GRID1: variants seen among roughly 807,000 people sequenced by gnomAD.
GRID1 encodes glutamate receptor ionotropic, delta-1.
In GRID1, 28 loss-of-function variants were observed where a neutral mutation model predicts 98.0. The observed-to-expected ratio is 0.29, with a 90% CI of 0.21 to 0.39. The LOEUF is 0.39. Ranked by LOEUF, GRID1 falls within the 10% of genes least tolerant of loss-of-function variation. The probability of loss-of-function intolerance (pLI) is 1.00; values close to 1 mark genes in which losing one functional copy is unlikely to be tolerated. For missense variants in GRID1, 1,111 were observed against 1,340.5 expected (o/e 0.83, Z 2.67); for synonymous variants, 553 against 538.5 (o/e 1.03, Z -0.37).
intron 8 of GRID1, among the ~76,000 whole-genome samples, chr10:85,764,365 C>A (rs534550768): frequency 6.6e-6 from 1 of 152,288 alleles, no homozygotes; most frequent in South Asian, 2.1e-4. Context: ...AAATTCAGAG[C>A]CTTCAAATGG....
chr10:85,863,137 C>G (rs1843181396), intron 6 of GRID1, among the ~76,000 whole-genome samples: 1 of 152,192 alleles, frequency 6.6e-6, no homozygotes, highest in South Asian at 2.1e-4. Context: ...AAAACACAGA[C>G]TGGGTGGCTT....
chr10:85,788,521 T>A (rs1050158616), intron 8 of GRID1, among the ~76,000 whole-genome samples: 1 of 152,224 alleles, frequency 6.6e-6, no homozygotes, highest in African/African-American at 2.4e-5. Flanking sequence ...AGTGAAGTTT[T>A]CTTGGCCAAC....
chr10:86,300,657 A>C, intron 2 of GRID1, among the ~76,000 whole-genome samples: 1 of 152,128 alleles, frequency 6.6e-6, no homozygotes, highest in South Asian at 2.1e-4. Context: ...GGCAAAGACC[A>C]GCTTCTTCTA....
chr10:86,190,413 A>T (rs1208613844), intron 3 of GRID1, among the ~76,000 whole-genome samples: 1 of 152,132 alleles, frequency 6.6e-6, no homozygotes, highest in Non-Finnish European at 1.5e-5. Context: ...GCCCCACAAC[A>T]GGTGTGGGGG....
At chr10:86,086,464 G>C (rs1165347878) in intron 4 of GRID1, among the ~76,000 whole-genome samples, 2 of 152,324 alleles carry the variant, frequency 1.3e-5, no homozygotes, top group East Asian at 3.9e-4. Context: ...CCACCCTACA[G>C]ATGAGGAAAG....
intron 3 of GRID1, among the ~76,000 whole-genome samples, chr10:86,147,352 C>T (rs1357007631): frequency 6.6e-6 from 1 of 152,070 alleles, no homozygotes; most frequent in Non-Finnish European, 1.5e-5. Context: ...TCAGAGTGTA[C>T]CATATGGAAC....
At chr10:86,273,561 C>G (rs1847219589) in intron 2 of GRID1, among the ~76,000 whole-genome samples, 1 of 150,968 alleles carries the variant, frequency 6.6e-6, no homozygotes, top group East Asian at 1.9e-4. Context: ...TCTCCACATC[C>G]TCTCCAGCAC....
intron 12 of GRID1, among the ~76,000 whole-genome samples, chr10:85,674,851 T>A (rs1471371622): frequency 6.6e-6 from 1 of 152,164 alleles, no homozygotes; most frequent in Non-Finnish European, 1.5e-5. Flanking sequence ...ACTCACTATG[T>A]CCTTTATCTC....
intron 2 of GRID1, among the ~76,000 whole-genome samples, chr10:86,277,247 TA>T (rs1217996444): frequency 3.3e-5 from 5 of 152,192 alleles, no homozygotes; most frequent in African/African-American, 1.2e-4. Context: ...CCACAACTTT[TA>T]AAAAGAGAAA....
chr10:86,221,611 A>T (rs1846255721), intron 2 of GRID1, among the ~76,000 whole-genome samples: 1 of 152,148 alleles, frequency 6.6e-6, no homozygotes, highest in Non-Finnish European at 1.5e-5. Context: ...TGGGGCAGAG[A>T]AAGAGGACAA....
At chr10:86,015,007 T>C (rs1302653035) in intron 4 of GRID1, among the ~76,000 whole-genome samples, 1 of 152,218 alleles carries the variant, frequency 6.6e-6, no homozygotes, top group African/African-American at 2.4e-5. Flanking sequence ...AAATGCCCAC[T>C]TCCCAGTAAG....
chr10:85,814,528 G>C (rs11201803), intron 8 of GRID1, among the ~76,000 whole-genome samples: 5,887 of 151,960 alleles, frequency 0.039, 147 homozygotes, highest in Non-Finnish European at 0.063. Flanking sequence ...AGATGAGTAA[G>C]ATTGATAAAC....
At chr10:86,275,145 G>C (rs1270568808) in intron 2 of GRID1, among the ~76,000 whole-genome samples, 1 of 152,060 alleles carries the variant, frequency 6.6e-6, no homozygotes, top group Admixed American at 6.5e-5. Flanking sequence ...TGGCATTCAA[G>C]GAATTATCTG....
intron 5 of GRID1, among the ~76,000 whole-genome samples, chr10:85,886,415 T>C (rs531143202): frequency 3.9e-5 from 6 of 152,322 alleles, no homozygotes; most frequent in East Asian, 3.9e-4. Context: ...ATTTGACTCA[T>C]ATTTTTCTGT....
In GRID1 at chr10:86,302,502, T is replaced by G. The variant is rs140445742; in HGVS notation, c.235+61439A>C. Reference sequence around the variant, plus strand: ...TACAACCTCACATGGCCAAGGATGCTCAACCATGAATCGCAGTGAAAGGTT... The same window carrying G: ...TACAACCTCACATGGCCAAGGATGCGCAACCATGAATCGCAGTGAAAGGTT... On this transcript the variant is annotated intron_variant, in intron 2 of 15. Coordinates refer to ENST00000327946, the MANE Select transcript of GRID1 (RefSeq NM_017551.3). 1.5e-3 allele frequency among the ~76,000 whole-genome samples: 224 copies of G among 152,268 alleles called. 1 individual carries two copies. Among genetic ancestry groups the G allele is most frequent in the African/African-American group, 5.2e-3 (218 of 41,542 alleles).
At chr10:85,992,525 G>C (rs1373002397) in intron 4 of GRID1, among the ~76,000 whole-genome samples, 5 of 151,842 alleles carry the variant, frequency 3.3e-5, no homozygotes. Context: ...CTGGGCATGA[G>C]CCAGATTGGA....
intron 8 of GRID1, among the ~76,000 whole-genome samples, chr10:85,759,178 G>T (rs1183307443): frequency 6.6e-6 from 1 of 152,184 alleles, no homozygotes; most frequent in African/African-American, 2.4e-5. Context: ...GCAAAGTGAT[G>T]ACTACAGAGG....
chr10:85,669,539 A>C (rs2132581356), intron 12 of GRID1, among the ~76,000 whole-genome samples: 1 of 152,238 alleles, frequency 6.6e-6, no homozygotes, highest in East Asian at 1.9e-4. Flanking sequence ...TTCCTCCTCC[A>C]TACCCACACC....
chr10:85,864,566 TA>T (rs1445034847), intron 6 of GRID1, among the ~76,000 whole-genome samples: 1 of 152,130 alleles, frequency 6.6e-6, no homozygotes, highest in African/African-American at 2.4e-5. Context: ...TAGGGCTAAG[TA>T]AACCATTGAA....
Sources: allele counts gnomAD v4.1 joint callset (sites outside exome capture counted in the v4.1 genomes callset), GRCh38; gene constraint gnomAD v4.1.1; transcripts MANE v1.5; gene names NCBI Gene and HGNC (gene_info 2026-07-23, HGNC 2026-07-21).